PPP2R2B: variants seen among roughly 807,000 people sequenced by gnomAD.
The protein encoded by PPP2R2B is protein phosphatase 2 regulatory subunit Bbeta, also known as serine/threonine-protein phosphatase 2A 55 kDa regulatory subunit B beta isoform.
Under a neutral mutation model 46.0 loss-of-function variants are expected in PPP2R2B, and 5 were observed. The observed-to-expected ratio is 0.11, with a 90% CI of 0.06 to 0.23. The LOEUF (loss-of-function observed/expected upper bound fraction) is 0.23. Among genes scored for constraint, PPP2R2B ranks in the 10% least tolerant of loss-of-function variants. The pLI, the probability that PPP2R2B is intolerant of heterozygous loss-of-function variation, is 1.00. For synonymous variants in PPP2R2B, 215 were observed against 206.7 expected, an observed-to-expected ratio of 1.04 and a Z score of -0.34; for missense variants, 367 against 575.0, an observed-to-expected ratio of 0.64 and a Z score of 3.70.
At chr5:147,009,274 T>A (rs1041399778) in intron 1 of PPP2R2B, among the ~76,000 whole-genome samples, 5 of 152,186 alleles carry the variant, frequency 3.3e-5, no homozygotes, top group African/African-American at 1.2e-4. Context: ...ATGTGCATTT[T>A]AATGCTGATC....
At chr5:146,792,163 G>T (rs1246251610) in intron 2 of PPP2R2B, among the ~76,000 whole-genome samples, 2 of 152,188 alleles carry the variant, frequency 1.3e-5, no homozygotes, top group African/African-American at 2.4e-5. Flanking sequence ...CTAGGCTCTA[G>T]ATCAAGCCTT....
At chr5:146,674,753 T>C (rs1777594862) in intron 5 of PPP2R2B, among the ~76,000 whole-genome samples, 1 of 152,184 alleles carries the variant, frequency 6.6e-6, no homozygotes, top group Admixed American at 6.5e-5. Context: ...TCAAAAGTTC[T>C]GGGAACTTAG....
chr5:146,850,122 C>T (rs955243707), intron 2 of PPP2R2B, among the ~76,000 whole-genome samples: 2 of 152,108 alleles, frequency 1.3e-5, no homozygotes, highest in Non-Finnish European at 2.9e-5. Flanking sequence ...GTGTGGGTGA[C>T]ACAGAGGAAT....
chr5:146,848,110 C>T (rs1760116945), intron 2 of PPP2R2B, among the ~76,000 whole-genome samples: 1 of 151,706 alleles, frequency 6.6e-6, no homozygotes, highest in Admixed American at 6.6e-5. Context: ...CTGGCTCCCC[C>T]TACTAGACTG....
At chr5:147,069,783 C>CTTTTTTTTTTTTTTT (rs1561611794) in intron 2 of PPP2R2B, among the ~76,000 whole-genome samples, 6 of 48,434 alleles carry the variant, frequency 1.2e-4, no homozygotes, top group African/African-American at 4.4e-4. Flanking sequence ...ACATTTTATA[C>CTTTTTTTTTTTTTTT]TGTTTTTTTT....
intron 2 of PPP2R2B, among the ~76,000 whole-genome samples, chr5:146,710,006 A>G (rs1188852658): frequency 6.6e-6 from 1 of 152,128 alleles, no homozygotes; most frequent in Non-Finnish European, 1.5e-5. Context: ...TCACATGCAC[A>G]TTTCCACTTT....
chr5:146,618,039 CCCATCCCCAAAT>C (rs1773353744), intron 7 of PPP2R2B, among the ~76,000 whole-genome samples: 1 of 152,074 alleles, frequency 6.6e-6, no homozygotes, highest in Admixed American at 6.6e-5. Flanking sequence ...TGCCATTGCC[CCCATCCCCAAAT>C]ATGTCTACAC....
chr5:146,751,800 T>C (rs928445282), intron 2 of PPP2R2B, among the ~76,000 whole-genome samples: 2 of 152,018 alleles, frequency 1.3e-5, no homozygotes, highest in Non-Finnish European at 2.9e-5. Context: ...CTGGTGAACA[T>C]ATGAGAAGAA....
At chr5:146,888,011 C>T (rs1454780124) in intron 1 of PPP2R2B, among the ~76,000 whole-genome samples, 1 of 152,142 alleles carries the variant, frequency 6.6e-6, no homozygotes, top group Non-Finnish European at 1.5e-5. Context: ...TCTCTCCTTC[C>T]TAATACAGTT....
chr5:146,891,332 G>A (rs1466739244), intron 1 of PPP2R2B, among the ~76,000 whole-genome samples: 1 of 152,210 alleles, frequency 6.6e-6, no homozygotes, highest in Non-Finnish European at 1.5e-5. Context: ...AATGCCTAAA[G>A]CAATGCATGG....
At chr5:146,802,050 C>A (rs1324254256) in intron 2 of PPP2R2B, among the ~76,000 whole-genome samples, 1 of 152,124 alleles carries the variant, frequency 6.6e-6, no homozygotes, top group Non-Finnish European at 1.5e-5. Context: ...TTCTTTATGA[C>A]TAACTGAGGC....
At chr5:146,806,567 A>G (rs940213048) in intron 2 of PPP2R2B, among the ~76,000 whole-genome samples, 1 of 152,160 alleles carries the variant, frequency 6.6e-6, no homozygotes, top group Non-Finnish European at 1.5e-5. Flanking sequence ...GTCCTTATAA[A>G]GTCTTATGTT....
chr5:147,004,890 C>A (rs1436045097), intron 1 of PPP2R2B, among the ~76,000 whole-genome samples: 1 of 152,148 alleles, frequency 6.6e-6, no homozygotes, highest in Non-Finnish European at 1.5e-5. Flanking sequence ...GATATAGTAG[C>A]AAAAGGCTGG....
chr5:146,784,234 T>C (rs538334210), intron 2 of PPP2R2B, among the ~76,000 whole-genome samples: 89 of 152,298 alleles, frequency 5.8e-4, no homozygotes, highest in South Asian at 1.9e-3. Context: ...TAAACAGCTA[T>C]AGAAACAAAA....
intron 7 of PPP2R2B, among the ~76,000 whole-genome samples, chr5:146,627,671 C>A (rs1256988878): frequency 6.6e-6 from 1 of 152,210 alleles, no homozygotes; most frequent in Non-Finnish European, 1.5e-5. Flanking sequence ...GGGTTCAAAT[C>A]TTAGGTCCTC....
chr5:146,590,045 T>G lies in PPP2R2B; in HGVS notation c.1234A>C (p.Ser412Arg). 6.2e-7 allele frequency: 1 copy of G among 1,614,232 alleles called. No individual in the cohort carries two copies. The highest frequency in any genetic ancestry group is 8.5e-7 in the Non-Finnish European group (1 of 1,180,046). ...DEISVDSLDF[S>R]KKILHTAWHP... ...CAAGCTGTATGCAAGATCTTTTTGC[T>G]AAAGTCCAGACTGTCGACACTGATC... The change falls in exon 10 of 10, where the codon AGC becomes CGC. Residue 412 changes from serine to arginine, a missense_variant. Ser to Arg is a moderately radical substitution (Grantham distance 110). Coordinates refer to ENST00000394411, the MANE Select transcript of PPP2R2B (RefSeq NM_181675.4).
chr5:146,721,663 C>T (rs1457405861), intron 2 of PPP2R2B, among the ~76,000 whole-genome samples: 2 of 152,236 alleles, frequency 1.3e-5, no homozygotes, highest in Non-Finnish European at 2.9e-5. Context: ...TTTGGCACTT[C>T]CTTCTATGTG....
chr5:147,024,532 T>C (rs1375665926), intron 1 of PPP2R2B, among the ~76,000 whole-genome samples: 1 of 152,066 alleles, frequency 6.6e-6, no homozygotes, highest in Non-Finnish European at 1.5e-5. Flanking sequence ...TTTTAAAAAG[T>C]ATATGTGGAA....
At chr5:146,997,317 C>A (rs1469505385) in intron 1 of PPP2R2B, among the ~76,000 whole-genome samples, 1 of 152,180 alleles carries the variant, frequency 6.6e-6, no homozygotes, top group Non-Finnish European at 1.5e-5. Flanking sequence ...TCTACTCTGA[C>A]CCCTGGTAAA....
Sources: allele counts gnomAD v4.1 joint callset (sites outside exome capture counted in the v4.1 genomes callset), GRCh38; gene constraint gnomAD v4.1.1; transcripts MANE v1.5; gene names NCBI Gene and HGNC (gene_info 2026-07-23, HGNC 2026-07-21).